Variants in GUCY2C observed in about 807,000 individuals in gnomAD.
GUCY2C encodes guanylate cyclase 2C.
Under a neutral mutation model 131.1 loss-of-function variants are expected in GUCY2C, and 118 were observed. That is an observed-to-expected ratio of 0.90 (90% CI 0.78 to 1.05). The LOEUF (loss-of-function observed/expected upper bound fraction) is 1.05. GUCY2C is among the 50% of genes least tolerant of loss of function. The probability of loss-of-function intolerance (pLI) is 0.00; values close to 1 mark genes in which losing one functional copy is unlikely to be tolerated. For synonymous variants in GUCY2C, 452 were observed against 457.8 expected (o/e 0.99, Z 0.16); for missense variants, 1,161 against 1,304.4 (o/e 0.89, Z 1.69).
intron 10 of GUCY2C, among the ~76,000 whole-genome samples, chr12:14,661,485 C>T (rs1247438293): frequency 6.6e-6 from 1 of 152,058 alleles, no homozygotes; most frequent in Non-Finnish European, 1.5e-5. Context: ...GTCATCCAGG[C>T]TGGAGTGCAG....
intron 19 of GUCY2C, among the ~76,000 whole-genome samples, chr12:14,639,299 C>CAAAAAA (rs34629608): frequency 1.3e-5 from 1 of 77,122 alleles, no homozygotes; most frequent in African/African-American, 4.4e-5. Flanking sequence ...GACTCCGTCT[C>CAAAAAA]AAAAAAAAAA....
intron 15 of GUCY2C, among the ~76,000 whole-genome samples, chr12:14,648,004 G>A (rs1038464198): frequency 1.3e-5 from 2 of 150,992 alleles, no homozygotes; most frequent in African/African-American, 2.4e-5. Context: ...ATTGTTGCCC[G>A]GGCTGAAGTG....
intron 7 of GUCY2C, among the ~76,000 whole-genome samples, chr12:14,676,107 GCCTCTTCCT>G (rs1948230725): frequency 1.3e-5 from 2 of 152,060 alleles, no homozygotes; most frequent in Non-Finnish European, 2.9e-5. Flanking sequence ...CATCAGCATT[GCCTCTTCCT>G]CCTCCTCCCA....
intron 1 of GUCY2C, among the ~76,000 whole-genome samples, chr12:14,693,331 G>T (rs1948606275): frequency 2.0e-5 from 3 of 152,226 alleles, no homozygotes; most frequent in Admixed American, 2.0e-4. Context: ...GCACACACAG[G>T]GTATGGGTCA....
In GUCY2C at chr12:14,688,064, C is replaced by G. The variant is rs758458864; in HGVS notation, c.218-1G>C. 3 of 1,588,908 alleles carry G rather than the reference C, an allele frequency of 1.9e-6. No homozygotes were observed. Among genetic ancestry groups the G allele is most frequent in the Non-Finnish European group, 2.6e-6 (3 of 1,156,966 alleles). On this transcript the variant is annotated splice_acceptor_variant, in intron 1 of 26. Transcript: ENST00000261170. LOFTEE classifies it high-confidence loss of function. Reference sequence around the variant, plus strand: ...GTAGCGTTCACAGTCACATTTAGGCCTGTCGCCCAGAGATGAGGGAAAATA... The same window carrying G: ...GTAGCGTTCACAGTCACATTTAGGCGTGTCGCCCAGAGATGAGGGAAAATA...
intron 10 of GUCY2C, among the ~76,000 whole-genome samples, chr12:14,668,774 G>A (rs942077078): frequency 1.3e-5 from 2 of 152,114 alleles, no homozygotes; most frequent in African/African-American, 4.8e-5. Context: ...TTGTCCTGAG[G>A]CCTCGTTGCC....
At position 14,641,094 on chromosome 12, in the gene GUCY2C, G is replaced by C. The variant is rs192199843; in HGVS notation, c.2056C>G (p.Arg686Gly). 7.4e-6 allele frequency: 12 copies of C among 1,613,432 alleles called. No homozygotes were observed. The highest frequency in any genetic ancestry group is 9.3e-6 in the Non-Finnish European group (11 of 1,179,816). Residue 686 changes from arginine to glycine, a missense_variant, in exon 18 of 27, where the codon CGG (arginine) becomes GGG (glycine). Arg to Gly is a moderately radical substitution (Grantham distance 125, BLOSUM62 -2). Coordinates refer to ENST00000261170, the MANE Select transcript of GUCY2C (RefSeq NM_004963.4). ...GGTTTAGATGTACCATTCCGGTCCC[G>C]ACAGCTCAAAGTGTAGAAGGTTTCT... Reference protein sequence around the residue: ...RKETFYTLSCRDRNEKIFRVE... With the variant: ...RKETFYTLSCGDRNEKIFRVE...
intron 21 of GUCY2C, among the ~76,000 whole-genome samples, chr12:14,622,432 C>G (rs1201803742): frequency 6.6e-6 from 1 of 152,224 alleles, no homozygotes. Context: ...TCAACATTAA[C>G]TTAGTGTTTG....
chr12:14,638,673 G>A (rs1947330040), intron 19 of GUCY2C, among the ~76,000 whole-genome samples: 1 of 152,194 alleles, frequency 6.6e-6, no homozygotes, highest in African/African-American at 2.4e-5. Flanking sequence ...CATGGAGGTG[G>A]AGAGAATAAT....
chr12:14,647,831 T>C (rs1947554309), intron 15 of GUCY2C, among the ~76,000 whole-genome samples: 1 of 152,024 alleles, frequency 6.6e-6, no homozygotes, highest in South Asian at 2.1e-4. Context: ...ATACATTATA[T>C]ATGTAAATTA....
At chr12:14,628,838 G>A (rs970604193) in intron 19 of GUCY2C, 101 bp from the exon 20 acceptor site, 13 of 734,728 alleles carry the variant, frequency 1.8e-5, no homozygotes, top group Non-Finnish European at 3.0e-5. Flanking sequence ...GCAAGGAATA[G>A]TTTAAAAATA....
rs1280498274 is a variant in GUCY2C, at chr12:14,622,196, G to A, written c.2410C>T (p.Leu804=). 4 of 1,484,244 alleles carry A rather than the reference G, an allele frequency of 2.7e-6. No individual in the cohort carries two copies. The South Asian group carries it at 4.3e-5, about 16-fold the overall frequency. 91.9% of individuals were successfully genotyped at this position (1,484,244 alleles called of 1,614,324 possible). Residue 804 remains leucine, a splice_region_variant and synonymous_variant, in exon 22 of 27, where the codon CTA becomes TTA. Transcript: ENST00000261170. ...DRLNFMLLPR[L]VVKSLKEKGF... ...TTCTCCTTCAGAGACTTTACCACTA[G>A]CCTAGATGAACGAAGGGAAAAAAAA...
intron 4 of GUCY2C, among the ~76,000 whole-genome samples, chr12:14,682,083 T>C (rs1044669718): frequency 2.8e-4 from 42 of 152,336 alleles, no homozygotes; most frequent in African/African-American, 9.1e-4. Context: ...AGCAGCATCC[T>C]GGAAGTACAG....
intron 17 of GUCY2C, among the ~76,000 whole-genome samples, chr12:14,642,101 A>C (rs1947418753): frequency 6.6e-6 from 1 of 152,176 alleles, no homozygotes; most frequent in African/African-American, 2.4e-5. Context: ...AAGGCATAAC[A>C]TACTGGCAGC....
At chr12:14,688,145 A>G in intron 1 of GUCY2C, 82 bp from the exon 2 acceptor site, 3 of 863,088 alleles carry the variant, frequency 3.5e-6, no homozygotes, top group Non-Finnish European at 5.9e-6. Context: ...GATTCTGGGA[A>G]AAAATGGATA....
intron 4 of GUCY2C, among the ~76,000 whole-genome samples, chr12:14,682,299 TC>T (rs1948362592): frequency 6.6e-6 from 1 of 152,126 alleles, no homozygotes; most frequent in Non-Finnish European, 1.5e-5. Flanking sequence ...GGGGGTGGTT[TC>T]CCCCATGCTG....
In GUCY2C at chr12:14,674,661, TG is replaced by T. The variant is rs1451730099; in HGVS notation, c.1047del (p.Lys350AsnfsTer18). The T allele has an allele frequency of 1.2e-6, 2 of 1,613,514 alleles. No individual in the cohort carries two copies. Among genetic ancestry groups the T allele is most frequent in the Non-Finnish European group, 1.7e-6 (2 of 1,179,676 alleles). On this transcript the variant is annotated frameshift_variant, in exon 8 of 27. Coordinates refer to ENST00000261170, the MANE Select transcript of GUCY2C (RefSeq NM_004963.4). LOFTEE classifies it high-confidence loss of function. Reference protein sequence around the residue: ...FLENGENITTPKFAHAFRNLT... With the variant: ...FLENGENITTXKFAHAFRNLT... ...AGATTCCTGAAAGCATGAGCAAATTTGGGGGTGGTAATATTTTCTCCATTTT... is the reference window on the plus strand; with the variant it reads ...AGATTCCTGAAAGCATGAGCAAATTTGGGGTGGTAATATTTTCTCCATTTT...
Position 14,679,704 on chromosome 12 carries a change from G to C in GUCY2C, c.783C>G (p.Asp261Glu), listed in dbSNP as rs1320849605. 6.2e-7 allele frequency: 1 copy of C among 1,602,324 alleles called. No individual in the cohort carries two copies. The highest frequency in any genetic ancestry group is 8.6e-7 in the Non-Finnish European group (1 of 1,169,342). Residue 261 changes from aspartate (D) to glutamate (E), a missense_variant, in exon 6 of 27, where the codon GAC becomes GAG. Asp to Glu is a conservative substitution (Grantham distance 45). Transcript: ENST00000261170. ...TGACAATGTCTTCAGCCACTGCTCG[G>C]TCACCCTTCAGCTTGTAGAGGAACT... Reference protein sequence around the residue: ...GPEFLYKLKGDRAVAEDIVII... With the variant: ...GPEFLYKLKGERAVAEDIVII...
At chr12:14,627,097 G>C (rs1947035421) in intron 20 of GUCY2C, among the ~76,000 whole-genome samples, 2 of 152,262 alleles carry the variant, frequency 1.3e-5, no homozygotes, top group South Asian at 4.1e-4. Flanking sequence ...TTGGTGCAGA[G>C]GTCAGGGAGG....
Sources: gnomAD v4.1 joint callset for allele counts (sites outside exome capture counted in the v4.1 genomes callset) on GRCh38, gnomAD v4.1.1 for gene constraint, MANE v1.5 for transcripts, NCBI Gene and HGNC (gene_info 2026-07-23, HGNC 2026-07-21) for gene names.